Variants in USP22 observed in about 807,000 individuals in gnomAD.
USP22 encodes ubiquitin specific peptidase 22.
Under a neutral mutation model 68.1 loss-of-function variants are expected in USP22, and 22 were observed. The observed-to-expected ratio is 0.32, with a 90% CI of 0.23 to 0.46. The LOEUF is 0.46. USP22 is among the 20% of genes least tolerant of loss of function. The pLI is 1.00. For missense variants in USP22, 433 were observed against 695.8 expected, an observed-to-expected ratio of 0.62 and a Z score of 4.25; for synonymous variants, 279 against 274.2, an observed-to-expected ratio of 1.02 and a Z score of -0.17.
intron 6 of USP22, chr17:21,015,504 C>T (rs1914103504): frequency 8.7e-6 from 4 of 461,036 alleles, no homozygotes; most frequent in East Asian, 4.0e-5. Context: ...TCACTGTGAT[C>T]GGTCACTGAG....
chr17:21,035,646 G>A (rs1353774730), intron 1 of USP22, among the ~76,000 whole-genome samples: 1 of 152,104 alleles, frequency 6.6e-6, no homozygotes, highest in African/African-American at 2.4e-5. Context: ...GCAAAAAACT[G>A]TAAGAAAGGA....
At chr17:21,012,994 G>A in intron 6 of USP22, 59 bp from the exon 7 acceptor site, 2 of 1,548,854 alleles carry the variant, frequency 1.3e-6, no homozygotes, top group African/African-American at 2.7e-5. Context: ...AGTCTCTAAG[G>A]GAAGAGCAGT....
chr17:21,039,521 G>C (rs1039387140), intron 1 of USP22, among the ~76,000 whole-genome samples: 1 of 152,028 alleles, frequency 6.6e-6, no homozygotes, highest in Non-Finnish European at 1.5e-5. Context: ...CCGAGATCAC[G>C]CCATTGCCCT....
chr17:21,001,150 ATC>A lies in USP22; in HGVS notation c.*1879_*1880del, dbSNP rs1913563927. The A allele has an allele frequency of 6.6e-6, 1 of 152,038 alleles. No homozygotes were observed. Among genetic ancestry groups the A allele is most frequent in the South Asian group, 2.1e-4 (1 of 4,826 alleles). 9.4% of individuals were successfully genotyped at this position (152,038 alleles called of 1,614,324 possible). ...GGACCATTTCTGAAAATCTCGGCCC[ATC>A]TCTGTTTCTCTGGTAATTCATTTTA... On this transcript the variant is annotated 3_prime_UTR_variant, in exon 13 of 13. Coordinates refer to ENST00000261497, the MANE Select transcript of USP22 (RefSeq NM_015276.2).
intron 2 of USP22, among the ~76,000 whole-genome samples, chr17:21,021,605 C>T (rs1972157287): frequency 6.6e-6 from 1 of 152,190 alleles, no homozygotes; most frequent in Admixed American, 6.5e-5. Context: ...TGCTTCCCTC[C>T]ATCTAGAATT....
chr17:21,022,582 GA>G (rs1972169935), intron 2 of USP22, among the ~76,000 whole-genome samples: 1 of 152,008 alleles, frequency 6.6e-6, no homozygotes, highest in Admixed American at 6.5e-5. Context: ...GGCAGATCAC[GA>G]GGTCAGGAGA....
chr17:21,014,335 T>A (rs1022102113), intron 6 of USP22, among the ~76,000 whole-genome samples: 1 of 152,262 alleles, frequency 6.6e-6, no homozygotes, highest in Admixed American at 6.5e-5. Context: ...AACATCTTTC[T>A]GCTGCTTACA....
In USP22 at chr17:21,021,243, G is replaced by A. The variant is rs757214902; in HGVS notation, c.305-17C>T. On this transcript the variant is annotated splice_polypyrimidine_tract_variant and intron_variant, in intron 2 of 12. Transcript: ENST00000261497. ...GATCAATGGCTGAGGAGAGAAAGGA[G>A]GGAGGAGAAACCAAGTTGAATTAAA... is the stretch of plus-strand genomic sequence containing the variant. 6.4e-6 allele frequency: 10 copies of A among 1,572,104 alleles called. 1 individual carries two copies. The highest frequency in any genetic ancestry group is 7.9e-6 in the Non-Finnish European group (9 of 1,141,664).
intron 1 of USP22, among the ~76,000 whole-genome samples, chr17:21,041,162 C>G (rs1372617906): frequency 6.6e-6 from 1 of 151,994 alleles, no homozygotes; most frequent in Non-Finnish European, 1.5e-5. Flanking sequence ...GGATTACAGG[C>G]GTCAGCCACC....
intron 2 of USP22, among the ~76,000 whole-genome samples, chr17:21,026,171 T>C (rs11653504): frequency 0.16 from 24,252 of 152,098 alleles, 2,420 homozygotes; most frequent in South Asian, 0.24. Flanking sequence ...GGCAGGAGAA[T>C]TGTTTGAACC....
intron 3 of USP22, among the ~76,000 whole-genome samples, chr17:21,019,679 G>A (rs1567588882): frequency 6.6e-6 from 1 of 152,214 alleles, no homozygotes; most frequent in Non-Finnish European, 1.5e-5. Flanking sequence ...AGAGAGTGGT[G>A]GTAAATGCTA....
At chr17:21,012,010 C>T (rs1269023497) in intron 7 of USP22, among the ~76,000 whole-genome samples, 2 of 152,208 alleles carry the variant, frequency 1.3e-5, no homozygotes, top group African/African-American at 2.4e-5. Flanking sequence ...CCCCGTGACA[C>T]AGGCAGCACT....
chr17:21,009,725 C>G (rs1373270673), intron 8 of USP22, among the ~76,000 whole-genome samples: 1 of 152,126 alleles, frequency 6.6e-6, no homozygotes, highest in Non-Finnish European at 1.5e-5. Flanking sequence ...GAGGCCAAGG[C>G]AGGCGGATCA....
intron 2 of USP22, among the ~76,000 whole-genome samples, chr17:21,027,374 T>C (rs951107447): frequency 8.0e-5 from 12 of 150,592 alleles, no homozygotes; most frequent in African/African-American, 2.9e-4. Context: ...TTACTACGAG[T>C]ACTCCTTGTA....
At chr17:21,022,869 CACAT>C (rs1407859236) in intron 2 of USP22, among the ~76,000 whole-genome samples, 3 of 151,372 alleles carry the variant, frequency 2.0e-5, no homozygotes, top group Admixed American at 2.0e-4. Context: ...ACCATAAAGA[CACAT>C]GCATGCGTGT....
rs1349030621 is a variant in USP22 at position 21,037,531 on chromosome 17, A to AG, written c.171+5133dup. ...AACTCATAACCACAGCTGAATCATG[A>AG]GAAAAACATCAGAAAACCAAAACTG... On this transcript the variant is annotated intron_variant, in intron 1 of 12. Transcript: ENST00000261497. Among the ~76,000 whole-genome samples the AG allele has an allele frequency of 4.6e-5, 7 of 152,212 alleles. No individual in the cohort carries two copies. In the East Asian group the frequency reaches 1.3e-3, roughly 29 times the overall value.
In USP22 at chr17:21,017,504, G is replaced by A. The variant is rs906922046; in HGVS notation, c.690+438C>T. Among the ~76,000 whole-genome samples, 14 of 152,238 alleles carry A rather than the reference G, an allele frequency of 9.2e-5. No individual in the cohort carries two copies. The East Asian group carries it at 1.2e-3, about 13-fold the overall frequency. ...CCCACAGGAACAGCCAACGTGCAGCGCGTAGCTCATGAGGACAGAGGCTCT... is the reference window on the plus strand; with the variant it reads ...CCCACAGGAACAGCCAACGTGCAGCACGTAGCTCATGAGGACAGAGGCTCT... On this transcript the variant is annotated intron_variant, in intron 5 of 12. Transcript: ENST00000261497.
chr17:21,042,383 G>A (rs1328753996), intron 1 of USP22: 1 of 229,744 alleles, frequency 4.4e-6, no homozygotes, highest in Non-Finnish European at 8.4e-6. Context: ...CAGAGAGGAG[G>A]GGGAGGGGAC....
Position 21,019,086 on chromosome 17 carries a change from A to G in USP22, c.518T>C (p.Ile173Thr). Residue 173 changes from isoleucine (I) to threonine (T), a missense_variant and splice_region_variant, in exon 4 of 13, where the codon ATA becomes ACA. Ile to Thr is a moderately conservative substitution (Grantham distance 89, BLOSUM62 -1). Around this residue, in one of 4 missense-constraint regions of USP22, gnomAD observed 144 missense variants for 237.2 expected, o/e 0.61. Coordinates refer to ENST00000261497, the MANE Select transcript of USP22 (RefSeq NM_015276.2). ...GAGTGACGACACGCTCCACCCACCT[A>G]TGGTGCAGTTCGAGGTGATCTTTCT... ...KRRKITSNCT[I>T]GLRGLINLGN... 1 of 1,613,956 alleles carries G rather than the reference A, an allele frequency of 6.2e-7. No individual in the cohort carries two copies.
Sources: gnomAD v4.1 joint callset for allele counts (sites outside exome capture counted in the v4.1 genomes callset) on GRCh38, gnomAD v4.1.1 for gene constraint, gnomAD v4.1.1 regional missense constraint, MANE v1.5 for transcripts, NCBI Gene and HGNC (gene_info 2026-07-23, HGNC 2026-07-21) for gene names.